PHKA1: variants seen among roughly 807,000 people sequenced by gnomAD.
The protein encoded by PHKA1 is phosphorylase b kinase regulatory subunit alpha, skeletal muscle isoform.
PHKA1 carries 60 observed loss-of-function variants against 110.2 expected under a neutral mutation model. That is an observed-to-expected ratio of 0.54 (90% CI 0.44 to 0.68). The LOEUF is 0.68. Ranked by LOEUF, PHKA1 falls within the 30% of genes least tolerant of loss-of-function variation. The pLI is 0.00. For missense variants in PHKA1, 801 were observed against 942.5 expected (o/e 0.85, Z 1.97); for synonymous variants, 316 against 333.6 (o/e 0.95, Z 0.58).
intron 4 of PHKA1, among the ~76,000 whole-genome samples, chrX:72,685,337 C>G (rs781908922): frequency 9.0e-6 from 1 of 111,303 alleles, no homozygotes; most frequent in Non-Finnish European, 1.9e-5. Flanking sequence ...TATCTCCCCC[C>G]TCAAACATAC....
chrX:72,684,586 G>A lies in PHKA1; in HGVS notation c.455-6C>T, dbSNP rs782693818. The A allele has an allele frequency of 4.6e-6, 5 of 1,093,069 alleles. No homozygotes were observed. In the East Asian group the frequency reaches 1.2e-4, roughly 26 times the overall value. 90.1% of individuals were successfully genotyped at this position (1,093,069 alleles called of 1,213,427 possible). ...GCTGTGGATGATATGGAGTCCTGAGGAAAGAGGGAATAAAGATACAGAACT... is the reference window on the plus strand; with the variant it reads ...GCTGTGGATGATATGGAGTCCTGAGAAAAGAGGGAATAAAGATACAGAACT... On this transcript the variant is annotated splice_region_variant and splice_polypyrimidine_tract_variant and intron_variant, in intron 4 of 31. Transcript: ENST00000373542.
intron 3 of PHKA1, among the ~76,000 whole-genome samples, chrX:72,702,473 C>T (rs1410335767): frequency 9.9e-5 from 11 of 111,550 alleles, no homozygotes; most frequent in African/African-American, 3.6e-4. Flanking sequence ...AACCTATTTA[C>T]ATTCATAAGC....
At chrX:72,638,948 TTTTAG>T (rs1325672639) in intron 14 of PHKA1, among the ~76,000 whole-genome samples, 6 of 111,473 alleles carry the variant, frequency 5.4e-5, no homozygotes, top group African/African-American at 2.0e-4. Context: ...CTGTCCAAGG[TTTTAG>T]TTTCTCAAGT....
At chrX:72,635,043 C>A (rs2053212880) in intron 16 of PHKA1, 112 bp downstream of exon 16, 1 of 982,087 alleles carries the variant, frequency 1.0e-6, no homozygotes, top group Non-Finnish European at 1.4e-6. Context: ...ATAAATACTG[C>A]TGAAAGAATA....
intron 3 of PHKA1, among the ~76,000 whole-genome samples, chrX:72,702,159 C>T (rs2054212874): frequency 9.0e-6 from 1 of 111,524 alleles, no homozygotes; most frequent in Non-Finnish European, 1.9e-5. Context: ...AAAAAAATAA[C>T]AGTAATTGGC....
chrX:72,612,502 G>T (rs893049269), intron 21 of PHKA1, among the ~76,000 whole-genome samples: 4 of 112,126 alleles, frequency 3.6e-5, no homozygotes, highest in Non-Finnish European at 7.5e-5. Context: ...TGGTTTACTT[G>T]CATGATAAAT....
intron 26 of PHKA1, 122 bp downstream of exon 26, chrX:72,602,997 T>G: frequency 1.9e-6 from 1 of 520,822 alleles, no homozygotes; most frequent in Non-Finnish European, 3.4e-6. Flanking sequence ...GGTTTCTGTT[T>G]TATATATTGG....
At chrX:72,654,884 G>A (rs1296618137) in intron 10 of PHKA1, among the ~76,000 whole-genome samples, 9 of 101,021 alleles carry the variant, frequency 8.9e-5, no homozygotes, top group African/African-American at 2.9e-4. Flanking sequence ...TGCAAGCTCC[G>A]CCTCCCGGGT....
At chrX:72,628,828 C>T (rs1383656365) in intron 16 of PHKA1, among the ~76,000 whole-genome samples, 6 of 108,847 alleles carry the variant, frequency 5.5e-5, no homozygotes, top group African/African-American at 1.3e-4. Flanking sequence ...AGTATCCTCC[C>T]GCCTCAGCCT....
intron 4 of PHKA1, among the ~76,000 whole-genome samples, chrX:72,685,775 A>T (rs782222364): frequency 8.9e-6 from 1 of 112,369 alleles, no homozygotes; most frequent in East Asian, 2.8e-4. Flanking sequence ...CTGGTCTATA[A>T]CAAACAGGAG....
chrX:72,632,801 T>C (rs782627238), intron 16 of PHKA1, among the ~76,000 whole-genome samples: 103 of 112,225 alleles, frequency 9.2e-4, no homozygotes, highest in Non-Finnish European at 1.6e-3. Context: ...ACTAGCTTTG[T>C]GACTTTGGAT....
intron 29 of PHKA1, among the ~76,000 whole-genome samples, chrX:72,588,802 C>T (rs189896176): frequency 7.7e-4 from 86 of 111,977 alleles, no homozygotes; most frequent in East Asian, 5.6e-3. Context: ...ATAAACACCT[C>T]TATGCAAATA....
rs1451706364 is a variant in PHKA1 at position 72,710,923 on chromosome X, G to A, written c.237+1856C>T. 5.4e-4 allele frequency among the ~76,000 whole-genome samples: 57 copies of A among 104,648 alleles called. No homozygotes were observed. In the East Asian group the frequency reaches 6.5e-3, roughly 12 times the overall value. The allele number at this position is 104,648 out of a possible 115,157, so 90.9% of individuals were successfully genotyped here. ...GTCGCCCAGGCTGGAGTGCAGTGGCGCGATCTCGGCTCACTGCAAGCTCCG... is the reference window on the plus strand; with the variant it reads ...GTCGCCCAGGCTGGAGTGCAGTGGCACGATCTCGGCTCACTGCAAGCTCCG... On this transcript the variant is annotated intron_variant, in intron 2 of 31. Transcript: ENST00000373542.
chrX:72,614,335 C>A (rs1193762433), intron 21 of PHKA1, among the ~76,000 whole-genome samples: 2 of 111,622 alleles, frequency 1.8e-5, no homozygotes, highest in African/African-American at 6.5e-5. Context: ...TCTGATGGAT[C>A]TGAAGGAGGG....
chrX:72,611,301 C>A (rs1197257172), intron 21 of PHKA1, 117 bp from the exon 22 acceptor site: 2 of 562,643 alleles, frequency 3.6e-6, no homozygotes, highest in East Asian at 3.5e-5. Flanking sequence ...ACTAGGAAAT[C>A]AATGTAATTT....
intron 14 of PHKA1, among the ~76,000 whole-genome samples, chrX:72,639,542 G>A (rs1274978907): frequency 9.0e-6 from 1 of 110,731 alleles, no homozygotes; most frequent in Non-Finnish European, 1.9e-5. Context: ...CTCCATCTTG[G>A]GGGGAGAAAA....
chrX:72,639,965 A>T (rs1463305248), intron 14 of PHKA1, among the ~76,000 whole-genome samples: 3 of 112,293 alleles, frequency 2.7e-5, no homozygotes, highest in Admixed American at 1.9e-4. Context: ...CTATTCAATC[A>T]GTAGTGCTGG....
intron 2 of PHKA1, among the ~76,000 whole-genome samples, chrX:72,707,203 A>G (rs1347553150): frequency 8.9e-6 from 1 of 111,995 alleles, no homozygotes; most frequent in African/African-American, 3.2e-5. Flanking sequence ...TATATGTGCA[A>G]TCAGATATTT....
At chrX:72,676,576 C>T (rs964553605) in intron 5 of PHKA1, among the ~76,000 whole-genome samples, 5 of 111,817 alleles carry the variant, frequency 4.5e-5, no homozygotes, top group African/African-American at 1.6e-4. Context: ...CACTAATTTA[C>T]GCATTTTACA....
Sources: gnomAD v4.1 joint callset for allele counts (sites outside exome capture counted in the v4.1 genomes callset) on GRCh38, gnomAD v4.1.1 for gene constraint, MANE v1.5 for transcripts, NCBI Gene and HGNC (gene_info 2026-07-23, HGNC 2026-07-21) for gene names.